The following CNTNAP3B variants were observed in gnomAD, a reference collection of about 807,000 sequenced individuals.
CNTNAP3B encodes contactin-associated protein-like 3B.
Under a neutral mutation model 108.9 loss-of-function variants are expected in CNTNAP3B, and 25 were observed. The ratio of observed to expected loss-of-function variants is 0.23; its 90% CI spans 0.17 to 0.32. The LOEUF (loss-of-function observed/expected upper bound fraction) is 0.32. CNTNAP3B is among the 10% of genes least tolerant of loss of function. The pLI, the probability that CNTNAP3B is intolerant of heterozygous loss-of-function variation, is 1.00. For missense variants in CNTNAP3B, 252 were observed against 1,210.4 expected (o/e 0.21, Z 11.75); for synonymous variants, 103 against 473.4 (o/e 0.22, Z 10.16).
intron 1 of CNTNAP3B, among the ~76,000 whole-genome samples, chr9:42,112,836 C>T (rs1185512922): frequency 7.6e-6 from 1 of 131,400 alleles, no homozygotes; most frequent in Admixed American, 7.7e-5. Context: ...AAAGACACAA[C>T]ACAAATGAAG....
intron 12 of CNTNAP3B, among the ~76,000 whole-genome samples, chr9:41,954,308 T>G (rs1431128044): frequency 1.3e-5 from 2 of 152,268 alleles, no homozygotes; most frequent in Non-Finnish European, 1.5e-5. Flanking sequence ...TCCCAGCCCT[T>G]CACATCTCAG....
intron 3 of CNTNAP3B, among the ~76,000 whole-genome samples, chr9:42,020,211 C>T (rs1022456248): frequency 7.2e-6 from 1 of 139,742 alleles, no homozygotes; most frequent in African/African-American, 2.8e-5. Context: ...TCAAGATTAA[C>T]TTAAATGTAA....
chr9:41,999,544 C>T (rs1825961042), intron 4 of CNTNAP3B, among the ~76,000 whole-genome samples: 2 of 123,514 alleles, frequency 1.6e-5, no homozygotes, highest in Admixed American at 1.7e-4. Context: ...CACACACACA[C>T]ACATACACAC....
chr9:41,943,441 C>T (rs1400072876), intron 13 of CNTNAP3B, among the ~76,000 whole-genome samples: 3 of 151,460 alleles, frequency 2.0e-5, no homozygotes, highest in Admixed American at 1.3e-4. Context: ...CAAGCTCCGC[C>T]TCCTGGGTTC....
rs1206702262 is a variant in CNTNAP3B at position 42,123,811 on chromosome 9, A to C, written c.85+5199T>G. ...ATTATACATATATATTATATATTCA[A>C]AACTCCGTAAAGCATATAAAGTATA... is the stretch of plus-strand genomic sequence containing the variant. On this transcript the variant is annotated intron_variant, in intron 1 of 23. Coordinates refer to ENST00000377561, the MANE Select transcript of CNTNAP3B (RefSeq NM_001201380.3). Among the ~76,000 whole-genome samples, 5 of 132,510 alleles carry C rather than the reference A, an allele frequency of 3.8e-5. 1 individual carries two copies. The highest frequency in any genetic ancestry group is 1.5e-4 in the African/African-American group (5 of 32,874). 86.9% of individuals were successfully genotyped at this position (132,510 alleles called of 152,430 possible). A position where few individuals can be genotyped will look rare whatever the true frequency, so the allele number is the denominator to read the frequency against.
At chr9:41,942,133 C>T (rs1824366286) in intron 13 of CNTNAP3B, among the ~76,000 whole-genome samples, 2 of 152,248 alleles carry the variant, frequency 1.3e-5, no homozygotes, top group Admixed American at 6.5e-5. Flanking sequence ...CTGAAGGTCA[C>T]AGTCCAGGAA....
intron 10 of CNTNAP3B, among the ~76,000 whole-genome samples, 172 bp downstream of exon 10, chr9:41,969,902 C>T (rs1302276327): frequency 2.7e-5 from 4 of 145,912 alleles, no homozygotes; most frequent in South Asian, 4.4e-4. Flanking sequence ...TGAGCCACCA[C>T]GCCCGGCCAA....
chr9:41,934,689 T>C lies in CNTNAP3B; in HGVS notation c.2237+3555A>G, dbSNP rs1397101031. 5.9e-5 allele frequency among the ~76,000 whole-genome samples: 9 copies of C among 152,402 alleles called. No homozygotes were observed. In the South Asian group the frequency reaches 1.7e-3, roughly 28 times the overall value. ...TGCTTTCTTTTGATTTGTATTTACT[T>C]GGTAAATATTTTCTATTCTTTTAGT... On this transcript the variant is annotated intron_variant, in intron 14 of 23. Coordinates refer to ENST00000377561, the MANE Select transcript of CNTNAP3B (RefSeq NM_001201380.3).
chr9:41,925,014 A>C (rs1167946841), intron 15 of CNTNAP3B, among the ~76,000 whole-genome samples: 1 of 151,574 alleles, frequency 6.6e-6, no homozygotes, highest in Non-Finnish European at 1.5e-5. Flanking sequence ...AGCAGGCAGC[A>C]ATGCTGATAA....
chr9:42,037,632 A>G (rs1587219660), intron 3 of CNTNAP3B, among the ~76,000 whole-genome samples: 1 of 89,732 alleles, frequency 1.1e-5, no homozygotes, highest in East Asian at 4.4e-4. Context: ...GGACTATGTG[A>G]AAAGACCAAA....
intron 2 of CNTNAP3B, among the ~76,000 whole-genome samples, chr9:42,088,648 T>C (rs992696062): frequency 7.2e-6 from 1 of 138,318 alleles, no homozygotes; most frequent in African/African-American, 2.9e-5. Flanking sequence ...TTGTAACATA[T>C]TCACATTGTC....
intron 2 of CNTNAP3B, among the ~76,000 whole-genome samples, chr9:42,098,152 T>A (rs1304455739): frequency 7.2e-6 from 1 of 138,836 alleles, no homozygotes; most frequent in Admixed American, 7.2e-5. Context: ...ATTATTGGAG[T>A]TTATAAAAGC....
rs547379398 is a variant in CNTNAP3B, at chr9:41,953,168, A to G, written c.2080+15T>C. Reference sequence around the variant, plus strand: ...GGCCTCGTGAGCCCCTGTAGCCTCCAGCAGTGGCGCTTACCTCGTGAGTCC... The same window carrying G: ...GGCCTCGTGAGCCCCTGTAGCCTCCGGCAGTGGCGCTTACCTCGTGAGTCC... On this transcript the variant is annotated intron_variant, in intron 13 of 23. Transcript: ENST00000377561. 127 of 1,516,056 alleles carry G rather than the reference A, an allele frequency of 8.4e-5. 1 individual carries two copies. In the East Asian group the frequency reaches 2.9e-3, roughly 34 times the overall value. 93.9% of individuals were successfully genotyped at this position (1,516,056 alleles called of 1,614,324 possible).
chr9:41,921,133 C>T (rs1306895958), intron 17 of CNTNAP3B, among the ~76,000 whole-genome samples: 2 of 152,420 alleles, frequency 1.3e-5, no homozygotes, highest in Admixed American at 1.3e-4. Flanking sequence ...TCTGAACTAT[C>T]AATCAGCTTT....
intron 12 of CNTNAP3B, among the ~76,000 whole-genome samples, chr9:41,958,660 A>G (rs1824954924): frequency 6.6e-6 from 1 of 151,924 alleles, no homozygotes; most frequent in Non-Finnish European, 1.5e-5. Context: ...GGATGGCCAG[A>G]GGTGGGTAAT....
At chr9:41,964,307 T>C (rs1264565521) in intron 11 of CNTNAP3B, among the ~76,000 whole-genome samples, 3 of 152,298 alleles carry the variant, frequency 2.0e-5, no homozygotes, top group African/African-American at 4.8e-5. Flanking sequence ...TATTTCCCCA[T>C]TGCTTGCCAG....
chr9:42,084,438 G>A (rs540623888), intron 2 of CNTNAP3B, among the ~76,000 whole-genome samples: 2 of 92,632 alleles, frequency 2.2e-5, no homozygotes, highest in South Asian at 6.5e-4. Flanking sequence ...CTTTCTTCAG[G>A]GAGTGATTAA....
At chr9:42,108,657 C>T (rs551649429) in intron 1 of CNTNAP3B, among the ~76,000 whole-genome samples, 11 of 128,072 alleles carry the variant, frequency 8.6e-5, no homozygotes, top group Admixed American at 2.3e-4. Context: ...TGAAGATGCA[C>T]GCTAGACCAG....
chr9:41,935,875 C>A (rs1157224987), intron 14 of CNTNAP3B, among the ~76,000 whole-genome samples: 1 of 152,290 alleles, frequency 6.6e-6, no homozygotes, highest in Non-Finnish European at 1.5e-5. Context: ...CTTGACGGTG[C>A]TGAAGTGACA....
Sources: allele counts gnomAD v4.1 joint callset (sites outside exome capture counted in the v4.1 genomes callset), GRCh38; gene constraint gnomAD v4.1.1; transcripts MANE v1.5; gene names NCBI Gene and HGNC (gene_info 2026-07-23, HGNC 2026-07-21).